The following AKT3 variants were observed in gnomAD, a reference collection of about 807,000 sequenced individuals.
AKT3 encodes the protein RAC-gamma serine/threonine-protein kinase.
A neutral mutation model predicts 65.3 loss-of-function variants in AKT3; 15 were observed. The observed-to-expected ratio is 0.23, with a 90% CI of 0.15 to 0.35. The LOEUF is 0.35. AKT3 is among the 10% of genes least tolerant of loss of function. The probability of loss-of-function intolerance (pLI) is 1.00; values close to 1 mark genes in which losing one functional copy is unlikely to be tolerated. For missense variants in AKT3, 243 were observed against 576.5 expected, an observed-to-expected ratio of 0.42 and a Z score of 5.92; for synonymous variants, 206 against 183.8, an observed-to-expected ratio of 1.12 and a Z score of -0.98.
At chr1:243,593,045 T>C (rs1034331307) in intron 8 of AKT3, among the ~76,000 whole-genome samples, 3 of 152,114 alleles carry the variant, frequency 2.0e-5, no homozygotes, top group African/African-American at 7.2e-5. Context: ...TAGTTAACCG[T>C]CATCCCACAA....
intron 2 of AKT3, among the ~76,000 whole-genome samples, chr1:243,792,003 T>G (rs1290121929): frequency 1.3e-5 from 2 of 152,234 alleles, no homozygotes; most frequent in Admixed American, 1.3e-4. Context: ...TTTGTCAAAA[T>G]GTTTATTCTC....
intron 12 of AKT3, among the ~76,000 whole-genome samples, chr1:243,533,322 G>A (rs1477418874): frequency 3.9e-5 from 6 of 152,138 alleles, no homozygotes; most frequent in African/African-American, 1.4e-4. Context: ...TATAGTTGAA[G>A]GTTTCACTTC....
chr1:243,828,572 C>T (rs1694314947), intron 2 of AKT3, among the ~76,000 whole-genome samples: 2 of 152,162 alleles, frequency 1.3e-5, no homozygotes, highest in Admixed American at 1.3e-4. Context: ...GACTTGAAGA[C>T]ATCAAGGATG....
intron 3 of AKT3, among the ~76,000 whole-genome samples, chr1:243,682,353 C>T (rs896685739): frequency 6.6e-6 from 1 of 152,030 alleles, no homozygotes; most frequent in Non-Finnish European, 1.5e-5. Flanking sequence ...GTACCACCTT[C>T]CAAGCTACAG....
At chr1:243,686,044 AC>A (rs1347559360) in intron 3 of AKT3, among the ~76,000 whole-genome samples, 1 of 152,186 alleles carries the variant, frequency 6.6e-6, no homozygotes. Flanking sequence ...AATACAACTT[AC>A]AAGGGATGTG....
chr1:243,785,305 C>G (rs1333146006), intron 2 of AKT3, among the ~76,000 whole-genome samples: 1 of 151,288 alleles, frequency 6.6e-6, no homozygotes, highest in Non-Finnish European at 1.5e-5. Flanking sequence ...GTCTCGATCT[C>G]CTGACCTTGC....
intron 4 of AKT3, among the ~76,000 whole-genome samples, chr1:243,647,878 A>G (rs1407737390): frequency 6.6e-6 from 1 of 152,186 alleles, no homozygotes; most frequent in Non-Finnish European, 1.5e-5. Flanking sequence ...TAAGTTGTAG[A>G]TCTTCTATAT....
At chr1:243,550,958 C>CAAAAAAAAAAA (rs60047036) in intron 11 of AKT3, among the ~76,000 whole-genome samples, 14 of 17,532 alleles carry the variant, frequency 8.0e-4, no homozygotes, top group South Asian at 3.6e-3. Flanking sequence ...GACTCCCTCT[C>CAAAAAAAAAAA]AAAAAAAAAA....
intron 12 of AKT3, among the ~76,000 whole-genome samples, chr1:243,527,932 CACACAGAGAG>C (rs1377341985): frequency 8.9e-4 from 30 of 33,668 alleles, no homozygotes; most frequent in African/African-American, 2.0e-3. Flanking sequence ...CACACACACA[CACACAGAGAG>C]AGAGAGAGAG....
upstream of AKT3, among the ~76,000 whole-genome samples, chr1:243,850,436 C>G (rs967968958): frequency 3.3e-5 from 5 of 150,990 alleles, no homozygotes; most frequent in African/African-American, 9.7e-5. Context: ...GGGCGGGGGC[C>G]GGGTCACGCC....
intron 6 of AKT3, among the ~76,000 whole-genome samples, chr1:243,631,047 C>T (rs1679569542): frequency 6.6e-6 from 1 of 151,578 alleles, no homozygotes; most frequent in Non-Finnish European, 1.5e-5. Context: ...TGCAATAAAA[C>T]GAGTCACACT....
chr1:243,704,115 T>C (rs1035171549), intron 2 of AKT3, among the ~76,000 whole-genome samples: 9 of 152,278 alleles, frequency 5.9e-5, no homozygotes, highest in East Asian at 1.9e-4. Context: ...TCTGTGAAAA[T>C]TGAGCAATGT....
chr1:243,725,444 A>T (rs1486207797), intron 2 of AKT3, among the ~76,000 whole-genome samples: 1 of 152,168 alleles, frequency 6.6e-6, no homozygotes, highest in Non-Finnish European at 1.5e-5. Context: ...AAAAAAAATT[A>T]TAACACCACT....
At chr1:243,808,698 C>T (rs548940945) in intron 2 of AKT3, among the ~76,000 whole-genome samples, 5 of 152,070 alleles carry the variant, frequency 3.3e-5, no homozygotes, top group African/African-American at 1.2e-4. Flanking sequence ...AGATACTCCT[C>T]AAGAAGAGCA....
chr1:243,525,953 G>A (rs1414187084), intron 12 of AKT3, among the ~76,000 whole-genome samples: 3 of 150,752 alleles, frequency 2.0e-5, no homozygotes, highest in African/African-American at 7.3e-5. Flanking sequence ...GCAACTCCAA[G>A]CAGAATAAAT....
chr1:243,591,642 C>T (rs374858555), intron 8 of AKT3, among the ~76,000 whole-genome samples: 11 of 150,272 alleles, frequency 7.3e-5, no homozygotes, highest in South Asian at 6.3e-4. Context: ...ATAAATTAGC[C>T]GTTGAAAATA....
Position 243,502,724 on chromosome 1 carries a change from A to G in AKT3, c.*2525T>C, listed in dbSNP as rs541031327. ...CAAGAAGACACCTTGTGTGACACCAATGGAGTCTCAGAGGGTGGAATAGAA... is the reference window on the plus strand; with the variant it reads ...CAAGAAGACACCTTGTGTGACACCAGTGGAGTCTCAGAGGGTGGAATAGAA... On this transcript the variant is annotated 3_prime_UTR_variant, in exon 14 of 14. Coordinates refer to ENST00000673466, the MANE Select transcript of AKT3 (RefSeq NM_005465.7). The G allele has an allele frequency of 1.6e-3, 366 of 233,268 alleles. 2 individuals carry two copies. The highest frequency in any genetic ancestry group is 6.3e-3 in the African/African-American group (286 of 45,474). 14.4% of individuals were successfully genotyped at this position (233,268 alleles called of 1,614,324 possible). A position where few individuals can be genotyped will look rare whatever the true frequency, so the allele number is the denominator to read the frequency against.
chr1:243,564,745 A>G (rs764554108), intron 9 of AKT3, among the ~76,000 whole-genome samples: 3 of 152,218 alleles, frequency 2.0e-5, no homozygotes, highest in Non-Finnish European at 4.4e-5. Flanking sequence ...AACTTTGCCT[A>G]GTCATGTAGA....
intron 2 of AKT3, among the ~76,000 whole-genome samples, chr1:243,783,868 A>T (rs1276121352): frequency 6.6e-6 from 1 of 152,208 alleles, no homozygotes; most frequent in Non-Finnish European, 1.5e-5. Flanking sequence ...TTATGCTAGT[A>T]TTATAAATAA....
Sources: gnomAD v4.1 joint callset for allele counts (sites outside exome capture counted in the v4.1 genomes callset) on GRCh38, gnomAD v4.1.1 for gene constraint, MANE v1.5 for transcripts, NCBI Gene and HGNC (gene_info 2026-07-23, HGNC 2026-07-21) for gene names.